Variants in MAGI2 observed in about 807,000 individuals in gnomAD.
MAGI2 encodes the protein membrane-associated guanylate kinase, WW and PDZ domain-containing protein 2.
In MAGI2, 35 loss-of-function variants were observed where a neutral mutation model predicts 133.3. That is an observed-to-expected ratio of 0.26 (90% CI 0.20 to 0.35). The LOEUF (loss-of-function observed/expected upper bound fraction) is 0.35. MAGI2 is among the 10% of genes least tolerant of loss of function. MAGI2 has a pLI of 1.00. For synonymous variants in MAGI2, 729 were observed against 710.6 expected (o/e 1.03, Z -0.41); for missense variants, 1,636 against 1,863.4 (o/e 0.88, Z 2.25).
At chr7:79,106,699 T>G (rs960378738) in intron 1 of MAGI2, among the ~76,000 whole-genome samples, 1 of 152,302 alleles carries the variant, frequency 6.6e-6, no homozygotes, top group African/African-American at 2.4e-5. Flanking sequence ...CTATGTCAAG[T>G]ATATTTTCTC....
intron 9 of MAGI2, among the ~76,000 whole-genome samples, chr7:78,280,937 C>T (rs1795509316): frequency 6.6e-6 from 1 of 151,214 alleles, no homozygotes; most frequent in African/African-American, 2.4e-5. Flanking sequence ...GGAGGTGGGT[C>T]ATCACACCAT....
At chr7:78,105,647 C>T (rs1338169053) in intron 20 of MAGI2, among the ~76,000 whole-genome samples, 1 of 152,068 alleles carries the variant, frequency 6.6e-6, no homozygotes, top group Non-Finnish European at 1.5e-5. Context: ...TCATTTTCCT[C>T]TTCTGTGATA....
At chr7:78,625,656 C>T (rs1230271632) in intron 3 of MAGI2, among the ~76,000 whole-genome samples, 1 of 152,172 alleles carries the variant, frequency 6.6e-6, no homozygotes, top group Non-Finnish European at 1.5e-5. Flanking sequence ...GGCTCACCCG[C>T]TAATGGACTC....
At chr7:78,179,557 G>A (rs1415741905) in intron 13 of MAGI2, among the ~76,000 whole-genome samples, 1 of 152,178 alleles carries the variant, frequency 6.6e-6, no homozygotes, top group Non-Finnish European at 1.5e-5. Flanking sequence ...TTTAAATAAA[G>A]ATGAATCAGG....
intron 3 of MAGI2, among the ~76,000 whole-genome samples, chr7:78,549,453 G>T (rs898671087): frequency 6.6e-6 from 1 of 151,650 alleles, no homozygotes; most frequent in African/African-American, 2.4e-5. Context: ...ATTCCTCACA[G>T]CATCCATCCA....
chr7:78,722,618 T>C (rs1026022940), intron 2 of MAGI2, among the ~76,000 whole-genome samples: 2 of 152,212 alleles, frequency 1.3e-5, no homozygotes, highest in South Asian at 2.1e-4. Flanking sequence ...TCAGGCACAA[T>C]ACCACAATGG....
intron 2 of MAGI2, among the ~76,000 whole-genome samples, chr7:78,797,554 A>G (rs891525750): frequency 6.6e-6 from 1 of 152,192 alleles, no homozygotes; most frequent in Non-Finnish European, 1.5e-5. Context: ...TAATTGGAAC[A>G]TTATGTCAGT....
In MAGI2 at chr7:79,173,866, GA is replaced by G. The variant is rs773750217; in HGVS notation, c.302-166661del. ...TTCCTTAACATATACCAGAATATCAGAACTCAAAATAAGATAAGGTACAGAT... is the reference window on the plus strand; with the variant it reads ...TTCCTTAACATATACCAGAATATCAGACTCAAAATAAGATAAGGTACAGAT... On this transcript the variant is annotated intron_variant, in intron 1 of 21. Transcript: ENST00000354212. 1.6e-4 allele frequency among the ~76,000 whole-genome samples: 25 copies of G among 152,044 alleles called. No homozygotes were observed. The East Asian group carries it at 2.5e-3, about 15-fold the overall frequency.
At chr7:78,071,610 G>A (rs1216653866) in intron 21 of MAGI2, among the ~76,000 whole-genome samples, 2 of 152,164 alleles carry the variant, frequency 1.3e-5, no homozygotes, top group African/African-American at 4.8e-5. Context: ...AGTTTTTATG[G>A]TTAGCGGATT....
intron 2 of MAGI2, among the ~76,000 whole-genome samples, chr7:78,756,556 C>A (rs1823967606): frequency 6.6e-6 from 1 of 152,094 alleles, no homozygotes; most frequent in African/African-American, 2.4e-5. Context: ...CATTTGGCAG[C>A]TATGTTTGCA....
intron 6 of MAGI2, among the ~76,000 whole-genome samples, chr7:78,449,895 T>C (rs1788539570): frequency 6.6e-6 from 1 of 152,132 alleles, no homozygotes; most frequent in East Asian, 1.9e-4. Flanking sequence ...CTGCAGTTTC[T>C]TTGCACTTCA....
chr7:78,734,027 C>A, intron 2 of MAGI2, among the ~76,000 whole-genome samples: 1 of 152,116 alleles, frequency 6.6e-6, no homozygotes, highest in East Asian at 1.9e-4. Context: ...AACATAACAA[C>A]TATATGGATT....
chr7:78,527,277 A>G (rs1441123637), intron 3 of MAGI2, among the ~76,000 whole-genome samples: 1 of 152,134 alleles, frequency 6.6e-6, no homozygotes, highest in Admixed American at 6.5e-5. Flanking sequence ...GAAAGCAGTG[A>G]GAATAGCTTT....
At chr7:78,685,865 A>C (rs1203908811) in intron 2 of MAGI2, among the ~76,000 whole-genome samples, 1 of 152,152 alleles carries the variant, frequency 6.6e-6, no homozygotes, top group Non-Finnish European at 1.5e-5. Context: ...TACTGTGAGC[A>C]CAGATGACAC....
At chr7:79,319,580 C>T (rs1473516295) in intron 1 of MAGI2, among the ~76,000 whole-genome samples, 1 of 152,130 alleles carries the variant, frequency 6.6e-6, no homozygotes, top group Non-Finnish European at 1.5e-5. Context: ...CTCTAGTCAT[C>T]ATCTCAACCC....
chr7:78,816,978 A>G (rs765496374), intron 2 of MAGI2, among the ~76,000 whole-genome samples: 5 of 152,216 alleles, frequency 3.3e-5, no homozygotes, highest in Admixed American at 6.5e-5. Flanking sequence ...GCAAAGTAAA[A>G]TTGAAAATAT....
intron 1 of MAGI2, among the ~76,000 whole-genome samples, chr7:79,167,642 T>C (rs1298091402): frequency 6.6e-6 from 1 of 152,086 alleles, no homozygotes; most frequent in East Asian, 1.9e-4. Flanking sequence ...TCCTGCTAAA[T>C]CTGTCCCTAT....
Position 79,332,764 on chromosome 7 carries a change from C to T in MAGI2, c.301+120256G>A, listed in dbSNP as rs142177957. On this transcript the variant is annotated intron_variant, in intron 1 of 21. Transcript: ENST00000354212. ...TCTTGGTAATTTCTATATCCCTTTG[C>T]CTATATTTAATCAGTTATTTTTGTG... Among the ~76,000 whole-genome samples the T allele has an allele frequency of 5.3e-4, 80 of 152,090 alleles. No homozygotes were observed. In the East Asian group the frequency reaches 0.015, roughly 29 times the overall value.
intron 6 of MAGI2, chr7:78,484,722 T>G (rs2362613): frequency 0.53 from 80,437 of 151,536 alleles, 23,070 homozygotes; most frequent in East Asian, 0.82. Context: ...TCATTTACTG[T>G]CTCAGAGTTT....
Sources: allele counts gnomAD v4.1 joint callset (sites outside exome capture counted in the v4.1 genomes callset), GRCh38; gene constraint gnomAD v4.1.1; transcripts MANE v1.5; gene names NCBI Gene and HGNC (gene_info 2026-07-23, HGNC 2026-07-21).